MPHOSPH6: variants seen among roughly 807,000 people sequenced by gnomAD.
The protein encoded by MPHOSPH6 is M-phase phosphoprotein 6.
MPHOSPH6 carries 25 observed loss-of-function variants against 21.8 expected under a neutral mutation model. The ratio of observed to expected loss-of-function variants is 1.15; its 90% CI spans 0.83 to 1.60. MPHOSPH6 has a LOEUF of 1.60. MPHOSPH6 is among the 40% of genes most tolerant of loss of function. MPHOSPH6 has a pLI of 0.00. For missense variants in MPHOSPH6, 269 were observed against 181.8 expected (o/e 1.48, Z -2.76); for synonymous variants, 84 against 56.5 (o/e 1.49, Z -2.18).
chr16:82,149,211 C>G, intron 4 of MPHOSPH6, 98 bp downstream of exon 4: 1 of 1,291,356 alleles, frequency 7.7e-7, no homozygotes, highest in Non-Finnish European at 1.1e-6. Flanking sequence ...GGGGGACTCC[C>G]TTGAAAGCTG....
At chr16:82,160,923 A>G (rs950904318) in intron 2 of MPHOSPH6, among the ~76,000 whole-genome samples, 1 of 151,724 alleles carries the variant, frequency 6.6e-6, no homozygotes, top group African/African-American at 2.4e-5. Context: ...AGCATCTCAC[A>G]TAAGAGGTGC....
intron 1 of MPHOSPH6, among the ~76,000 whole-genome samples, chr16:82,164,455 G>A (rs1030210111): frequency 6.6e-6 from 1 of 152,188 alleles, no homozygotes; most frequent in Admixed American, 6.5e-5. Context: ...CACCACATTC[G>A]AAGGTCTTGT....
chr16:82,149,387 A>C lies in MPHOSPH6; in HGVS notation c.272T>G (p.Met91Arg). The C allele has an allele frequency of 3.1e-6, 5 of 1,612,350 alleles. No homozygotes were observed. Among genetic ancestry groups the C allele is most frequent in the Non-Finnish European group, 4.2e-6 (5 of 1,180,012 alleles). ...TTCTTCTGCTTTGTGCTTAGCATTC[A>C]TCTGAAGCATCAATTTCTGAAAAAT... ...NPEVEKLMLQMNAKHKAEEVE... is the reference protein window; with the variant it reads ...NPEVEKLMLQRNAKHKAEEVE... The change falls in exon 4 of 5, where the codon ATG (methionine) becomes AGG (arginine). Residue 91 changes from methionine to arginine, a missense_variant. Physicochemically the swap from Met to Arg is moderately conservative, Grantham distance 91. Transcript: ENST00000258169.
At chr16:82,153,662 C>T (rs6564988) in intron 2 of MPHOSPH6, among the ~76,000 whole-genome samples, 9,553 of 152,260 alleles carry the variant, frequency 0.063, 548 homozygotes, top group African/African-American at 0.14. Flanking sequence ...TCCCTTGAAT[C>T]TTTGGCTGAC....
At chr16:82,167,791 A>ATT (rs1906833299) in intron 1 of MPHOSPH6, among the ~76,000 whole-genome samples, 1 of 152,206 alleles carries the variant, frequency 6.6e-6, no homozygotes, top group South Asian at 2.1e-4. Context: ...GTAAATACAG[A>ATT]TGAAGTTTCG....
At chr16:82,169,051 G>A (rs1309456122) in intron 1 of MPHOSPH6, among the ~76,000 whole-genome samples, 1 of 152,166 alleles carries the variant, frequency 6.6e-6, no homozygotes, top group Non-Finnish European at 1.5e-5. Context: ...TCACCTCAAA[G>A]TGTCATTATG....
At chr16:82,163,582 A>G (rs1029501278) in intron 2 of MPHOSPH6, among the ~76,000 whole-genome samples, 4 of 152,244 alleles carry the variant, frequency 2.6e-5, no homozygotes, top group East Asian at 1.9e-4. Flanking sequence ...CTACAGATGT[A>G]AAGTGTTTAG....
At chr16:82,158,604 C>G (rs1467724244) in intron 2 of MPHOSPH6, among the ~76,000 whole-genome samples, 1 of 150,636 alleles carries the variant, frequency 6.6e-6, no homozygotes, top group Non-Finnish European at 1.5e-5. Context: ...TTTTCAATGT[C>G]ACACCGTAAC....
At chr16:82,164,614 G>A (rs1000883144) in intron 1 of MPHOSPH6, 3 of 160,142 alleles carry the variant, frequency 1.9e-5, no homozygotes, top group Non-Finnish European at 2.7e-5. Context: ...CAGTGCCTCT[G>A]TCCTAAATGC....
At chr16:82,163,185 G>C (rs1906659088) in intron 2 of MPHOSPH6, among the ~76,000 whole-genome samples, 1 of 152,154 alleles carries the variant, frequency 6.6e-6, no homozygotes, top group Admixed American at 6.5e-5. Flanking sequence ...CCAAATCAAA[G>C]CCCAAACATC....
At chr16:82,163,195 C>G (rs1422234309) in intron 2 of MPHOSPH6, among the ~76,000 whole-genome samples, 2 of 152,180 alleles carry the variant, frequency 1.3e-5, no homozygotes, top group African/African-American at 4.8e-5. Flanking sequence ...GCCCAAACAT[C>G]AGGTACAGAA....
intron 1 of MPHOSPH6, chr16:82,164,921 T>C (rs1346944632): frequency 6.6e-6 from 1 of 152,116 alleles, no homozygotes; most frequent in Non-Finnish European, 1.5e-5. Flanking sequence ...AGTCTCTCAC[T>C]AGCATGAATA....
intron 4 of MPHOSPH6, 149 bp from the exon 5 acceptor site, chr16:82,149,012 G>C: frequency 1.8e-6 from 2 of 1,087,324 alleles, no homozygotes; most frequent in Non-Finnish European, 2.6e-6. Flanking sequence ...AACAATTTAT[G>C]AACTTCTCTA....
In MPHOSPH6 at chr16:82,151,579, T is replaced by G. The variant is rs184531513; in HGVS notation, c.165-65A>C. The G allele has an allele frequency of 6.1e-6, 9 of 1,479,964 alleles. 1 individual carries two copies. The highest frequency in any genetic ancestry group is 2.8e-5 in the African/African-American group (2 of 70,724). The allele number at this position is 1,479,964 out of a possible 1,614,324, so 91.7% of individuals were successfully genotyped here. On this transcript the variant is annotated intron_variant, in intron 2 of 4. Transcript: ENST00000258169. ...AGCACAGCAAACAAAAGCCAACACT[T>G]TGAATAAAAAAAATAATCAACCTAT...
At chr16:82,163,149 C>G (rs934527062) in intron 2 of MPHOSPH6, among the ~76,000 whole-genome samples, 1 of 152,150 alleles carries the variant, frequency 6.6e-6, no homozygotes, top group African/African-American at 2.4e-5. Flanking sequence ...CAGAGGTCAG[C>G]CAAATGAACA....
intron 2 of MPHOSPH6, among the ~76,000 whole-genome samples, chr16:82,155,398 T>C (rs1906397131): frequency 6.6e-6 from 1 of 152,232 alleles, no homozygotes; most frequent in South Asian, 2.1e-4. Context: ...TAATTATGCA[T>C]GTAAACAATC....
chr16:82,158,441 G>C (rs1906500729), intron 2 of MPHOSPH6, among the ~76,000 whole-genome samples: 1 of 143,372 alleles, frequency 7.0e-6, no homozygotes, highest in African/African-American at 2.6e-5. Flanking sequence ...GGAGTTTGCA[G>C]TGAGCGGAGA....
intron 2 of MPHOSPH6, among the ~76,000 whole-genome samples, chr16:82,156,641 G>C (rs767142495): frequency 1.3e-5 from 2 of 152,172 alleles, no homozygotes; most frequent in Non-Finnish European, 2.9e-5. Flanking sequence ...CACTTCCTTA[G>C]TGAAAGTGTA....
chr16:82,169,893 T>G (rs1665819543), intron 1 of MPHOSPH6, among the ~76,000 whole-genome samples: 1 of 152,212 alleles, frequency 6.6e-6, no homozygotes, highest in Non-Finnish European at 1.5e-5. Context: ...ACTGCTTCTG[T>G]GTACTCAAGC....
Sources: allele counts gnomAD v4.1 joint callset (sites outside exome capture counted in the v4.1 genomes callset), GRCh38; gene constraint gnomAD v4.1.1; transcripts MANE v1.5; gene names NCBI Gene and HGNC (gene_info 2026-07-23, HGNC 2026-07-21).